The following BCAR3 variants were observed in gnomAD, a reference collection of about 807,000 sequenced individuals.
BCAR3 encodes breast cancer anti-estrogen resistance protein 3.
BCAR3 carries 37 observed loss-of-function variants against 80.1 expected under a neutral mutation model. The ratio of observed to expected loss-of-function variants is 0.46; its 90% CI spans 0.36 to 0.61. The LOEUF is 0.61. BCAR3 is among the 20% of genes least tolerant of loss of function. The pLI, the probability that BCAR3 is intolerant of heterozygous loss-of-function variation, is 0.00. For synonymous variants in BCAR3, 389 were observed against 418.9 expected, an observed-to-expected ratio of 0.93 and a Z score of 0.87; for missense variants, 978 against 1,068.2, an observed-to-expected ratio of 0.92 and a Z score of 1.18.
At chr1:93,821,613 CTATTTG>C (rs1557699628) in intron 2 of BCAR3, among the ~76,000 whole-genome samples, 1 of 152,164 alleles carries the variant, frequency 6.6e-6, no homozygotes, top group Admixed American at 6.5e-5. Context: ...TGAGGTCACT[CTATTTG>C]TATTTGTGTC....
In BCAR3 at chr1:93,673,632, A is replaced by G. The variant is rs537718861; in HGVS notation, c.317+982T>C. ...GGAGTGCAGTTTCCAAACTAGCTCT[A>G]ACAGGCAGAAACCAATCACAGCCAG... is the stretch of plus-strand genomic sequence containing the variant. On this transcript the variant is annotated intron_variant, in intron 2 of 11. Coordinates refer to ENST00000260502, the MANE Select transcript of BCAR3 (RefSeq NM_003567.4). 2.6e-5 allele frequency among the ~76,000 whole-genome samples: 4 copies of G among 152,256 alleles called. No individual in the cohort carries two copies. In the South Asian group the frequency reaches 8.3e-4, roughly 31 times the overall value.
At chr1:93,807,612 A>G (rs571167915) in intron 2 of BCAR3, among the ~76,000 whole-genome samples, 4 of 152,282 alleles carry the variant, frequency 2.6e-5, no homozygotes, top group Admixed American at 2.6e-4. Flanking sequence ...GAATAGATTA[A>G]TAGTCTGTGT....
intron 2 of BCAR3, among the ~76,000 whole-genome samples, chr1:93,741,979 A>G (rs12128353): frequency 0.12 from 17,863 of 152,242 alleles, 1,477 homozygotes; most frequent in African/African-American, 0.22. Context: ...CCCAGATGGT[A>G]AGTGATGGAG....
intron 7 of BCAR3, among the ~76,000 whole-genome samples, 159 bp downstream of exon 7, chr1:93,582,142 T>G (rs938199231): frequency 1.3e-5 from 2 of 152,202 alleles, no homozygotes; most frequent in African/African-American, 4.8e-5. Context: ...TGGTGTTATC[T>G]TCAGACTTTC....
intron 8 of BCAR3, among the ~76,000 whole-genome samples, chr1:93,574,637 C>T (rs493883): frequency 0.49 from 74,590 of 152,040 alleles, 18,715 homozygotes; most frequent in Middle Eastern, 0.55. Flanking sequence ...GAACCTGCGG[C>T]CTTTCAGGCT....
At chr1:93,613,137 G>A (rs1020533521) in intron 3 of BCAR3, among the ~76,000 whole-genome samples, 1 of 152,144 alleles carries the variant, frequency 6.6e-6, no homozygotes, top group Non-Finnish European at 1.5e-5. Context: ...TCAGGCTGGG[G>A]CCGACAGGCT....
chr1:93,830,641 C>T (rs974131048), intron 2 of BCAR3, among the ~76,000 whole-genome samples: 5 of 152,280 alleles, frequency 3.3e-5, no homozygotes, highest in South Asian at 2.1e-4. Context: ...TATCTCCCTT[C>T]GCTGACTCTC....
rs536380915 is a variant in BCAR3, at chr1:93,672,147, C to T, written c.317+2467G>A. Among the ~76,000 whole-genome samples the T allele has an allele frequency of 1.7e-4, 26 of 152,294 alleles. No individual in the cohort carries two copies. In the South Asian group the frequency reaches 5.4e-3, roughly 32 times the overall value. The stretch of plus-strand genomic sequence containing the variant: ...GTTAAGTCTTCCACAGCCTGGACTT[C>T]AAACTCAGGACCTGCACCCACCCTC... On this transcript the variant is annotated intron_variant, in intron 2 of 11. Coordinates refer to ENST00000260502, the MANE Select transcript of BCAR3 (RefSeq NM_003567.4).
intron 1 of BCAR3, among the ~76,000 whole-genome samples, chr1:93,676,823 T>C (rs1476415624): frequency 4.6e-5 from 7 of 152,320 alleles, no homozygotes; most frequent in Middle Eastern, 3.4e-3. Flanking sequence ...TTCATGTGCA[T>C]AGGGCCACAC....
intron 3 of BCAR3, among the ~76,000 whole-genome samples, chr1:93,593,832 G>A (rs1487215069): frequency 8.5e-5 from 13 of 152,188 alleles, no homozygotes; most frequent in Admixed American, 8.5e-4. Flanking sequence ...AGCGCTAGCT[G>A]AAGAGTAACT....
intron 3 of BCAR3, among the ~76,000 whole-genome samples, chr1:93,641,679 C>T (rs1014536536): frequency 6.6e-6 from 1 of 152,160 alleles, no homozygotes; most frequent in Non-Finnish European, 1.5e-5. Context: ...TAACTAAGTA[C>T]CTAATATTAC....
intron 2 of BCAR3, among the ~76,000 whole-genome samples, chr1:93,755,311 A>T (rs1651705562): frequency 6.6e-6 from 1 of 152,212 alleles, no homozygotes; most frequent in East Asian, 1.9e-4. Context: ...CAGTGTTTAT[A>T]AAGTCCTCAG....
chr1:93,843,599 T>G (rs928866979), intron 2 of BCAR3, among the ~76,000 whole-genome samples: 1 of 152,228 alleles, frequency 6.6e-6, no homozygotes, highest in African/African-American at 2.4e-5. Context: ...GTTTGTTTGT[T>G]TTTTAAATCT....
chr1:93,689,206 G>A (rs1649081738), intron 3 of BCAR3, among the ~76,000 whole-genome samples: 1 of 151,676 alleles, frequency 6.6e-6, no homozygotes, highest in Non-Finnish European at 1.5e-5. Flanking sequence ...AGTGCTGGGG[G>A]CTGGGCGTGG....
intron 2 of BCAR3, among the ~76,000 whole-genome samples, chr1:93,710,016 C>T (rs115368239): frequency 2.6e-3 from 391 of 152,254 alleles, no homozygotes; most frequent in Admixed American, 4.6e-3. Flanking sequence ...GGGAACATTC[C>T]ATATCTTTAG....
chr1:93,618,939 G>T (rs72721055), intron 3 of BCAR3, among the ~76,000 whole-genome samples: 19,023 of 118,130 alleles, frequency 0.16, 1,252 homozygotes, highest in Middle Eastern at 0.21. Flanking sequence ...TTTTTTTTTT[G>T]TTTTTTTTTT....
Position 93,567,504 on chromosome 1 carries a change from GAGT to G in BCAR3, c.2087-16_2087-14del, listed in dbSNP as rs1444326740. The G allele has an allele frequency of 1.2e-6, 2 of 1,612,008 alleles. No homozygotes were observed. Among genetic ancestry groups the G allele is most frequent in the Admixed American group, 1.7e-5 (1 of 59,882 alleles). ...ACACATGTGGACTCTGAAGAATAAG[GAGT>G]AGAGTTTTCCATATCACATGTTTTC... On this transcript the variant is annotated splice_polypyrimidine_tract_variant and intron_variant, in intron 10 of 11. Coordinates refer to ENST00000260502, the MANE Select transcript of BCAR3 (RefSeq NM_003567.4).
intron 2 of BCAR3, among the ~76,000 whole-genome samples, chr1:93,819,459 T>G (rs1654140218): frequency 6.6e-6 from 1 of 152,238 alleles, no homozygotes; most frequent in African/African-American, 2.4e-5. Flanking sequence ...CCCACTTGCT[T>G]TTGCTTTTAA....
At chr1:93,595,541 G>A (rs1210701485) in intron 3 of BCAR3, among the ~76,000 whole-genome samples, 2 of 152,218 alleles carry the variant, frequency 1.3e-5, no homozygotes, top group African/African-American at 4.8e-5. Context: ...GCCACCTCAT[G>A]ATGACACAGT....
Sources: allele counts gnomAD v4.1 joint callset (sites outside exome capture counted in the v4.1 genomes callset), GRCh38; gene constraint gnomAD v4.1.1; transcripts MANE v1.5; gene names NCBI Gene and HGNC (gene_info 2026-07-23, HGNC 2026-07-21).